NDST1: variants seen among roughly 807,000 people sequenced by gnomAD.
The protein encoded by NDST1 is bifunctional heparan sulfate N-deacetylase/N-sulfotransferase 1.
A neutral mutation model predicts 92.8 loss-of-function variants in NDST1; 35 were observed. The ratio of observed to expected loss-of-function variants is 0.38; its 90% CI spans 0.29 to 0.50. The LOEUF (loss-of-function observed/expected upper bound fraction) is 0.50. NDST1 is among the 20% of genes least tolerant of loss of function. The pLI, the probability that NDST1 is intolerant of heterozygous loss-of-function variation, is 0.94. For synonymous variants in NDST1, 493 were observed against 500.3 expected (o/e 0.99, Z 0.19); for missense variants, 822 against 1,182.7 (o/e 0.69, Z 4.47).
At chr5:150,498,119 A>C (rs1753073985) in exon 1 of NDST1, 1 of 152,702 alleles carries the variant, frequency 6.5e-6, no homozygotes, top group African/African-American at 2.4e-5. Flanking sequence ...AAATGGTGGC[A>C]GCGTGGTGCA....
Position 150,523,369 on chromosome 5 carries a change from G to A in NDST1, c.513+1602G>A, listed in dbSNP as rs562759886. Among the ~76,000 whole-genome samples the A allele has an allele frequency of 5.3e-5, 8 of 152,326 alleles. No homozygotes were observed. The East Asian group carries it at 7.7e-4, about 15-fold the overall frequency. Reference sequence around the variant, plus strand: ...ATTCAGAGTCCCAGGCCTGAAAAGCGTCAAGAGGCTGACGTTTATTGAGTG... The same window carrying A: ...ATTCAGAGTCCCAGGCCTGAAAAGCATCAAGAGGCTGACGTTTATTGAGTG... On this transcript the variant is annotated intron_variant, in intron 2 of 14. Transcript: ENST00000261797.
chr5:150,505,241 A>T (rs1753398437), upstream of NDST1, among the ~76,000 whole-genome samples: 3 of 152,162 alleles, frequency 2.0e-5, no homozygotes, highest in Non-Finnish European at 2.9e-5. Context: ...GGACTTCCCC[A>T]TCCCTGCCTA....
At chr5:150,536,206 C>T (rs1189243662) in intron 6 of NDST1, among the ~76,000 whole-genome samples, 1 of 152,148 alleles carries the variant, frequency 6.6e-6, no homozygotes, top group Non-Finnish European at 1.5e-5. Context: ...TTTTTCTTGG[C>T]TGGGCCTGAT....
chr5:150,525,452 T>C (rs1242073122), intron 2 of NDST1, among the ~76,000 whole-genome samples: 1 of 152,072 alleles, frequency 6.6e-6, no homozygotes, highest in African/African-American at 2.4e-5. Flanking sequence ...ACCGCTTTTG[T>C]CCCCACACAG....
intron 1 of NDST1, among the ~76,000 whole-genome samples, chr5:150,503,007 G>A (rs1249753429): frequency 6.6e-6 from 1 of 152,110 alleles, no homozygotes; most frequent in Non-Finnish European, 1.5e-5. Context: ...GCATGGGCAT[G>A]AATCCTTGCC....
At chr5:150,528,321 G>T in intron 3 of NDST1, 23 bp downstream of exon 3, 2 of 1,562,044 alleles carry the variant, frequency 1.3e-6, no homozygotes, top group South Asian at 2.4e-5. Context: ...GTGCTAGACC[G>T]GGCAAGGCAG....
Position 150,549,667 on chromosome 5 carries a change from T to G in NDST1, c.2317-11T>G, listed in dbSNP as rs746441177. 1.9e-6 allele frequency: 3 copies of G among 1,584,250 alleles called. No homozygotes were observed. In the South Asian group the frequency reaches 3.3e-5, roughly 18 times the overall value. On this transcript the variant is annotated splice_polypyrimidine_tract_variant and intron_variant, in intron 12 of 14. Coordinates refer to ENST00000261797, the MANE Select transcript of NDST1 (RefSeq NM_001543.5). ...TCAAAGCAGGTCCCGATCCCCTTTC[T>G]CCCTTTCCAGATTCTGGTCTTGGAT...
intron 2 of NDST1, among the ~76,000 whole-genome samples, chr5:150,526,270 GT>G (rs1754472928): frequency 6.6e-6 from 1 of 152,216 alleles, no homozygotes; most frequent in Non-Finnish European, 1.5e-5. Context: ...CCACACTGAA[GT>G]TTTATATTTA....
intron 2 of NDST1, among the ~76,000 whole-genome samples, chr5:150,524,949 T>C (rs956763246): frequency 1.4e-4 from 21 of 152,222 alleles, no homozygotes; most frequent in Admixed American, 3.3e-4. Flanking sequence ...TTGTTGTTTC[T>C]AACCCAGCCA....
rs770384721 is a variant in NDST1, at chr5:150,540,099, G to A, written c.1584G>A (p.Thr528=). 2.8e-5 allele frequency: 45 copies of A among 1,614,050 alleles called. No homozygotes were observed. Among genetic ancestry groups the A allele is most frequent in the Non-Finnish European group, 3.3e-5 (39 of 1,180,050 alleles). Residue 528 remains threonine (T), a synonymous_variant, in exon 8 of 15, where the codon ACG becomes ACA. Transcript: ENST00000261797. ...VLLNPISIFM[T]HLSNYGNDRL... is the part of the protein sequence containing the mutation. ...TGGAGCAGATCAGCATCTTCATGACGCACCTGTCCAACTATGGGAATGACC... is the reference window on the plus strand; with the variant it reads ...TGGAGCAGATCAGCATCTTCATGACACACCTGTCCAACTATGGGAATGACC...
intron 13 of NDST1, 77 bp downstream of exon 13, chr5:150,549,864 A>G (rs1755644939): frequency 2.3e-6 from 2 of 856,480 alleles, no homozygotes; most frequent in South Asian, 2.8e-5. Context: ...AGTCTTGAAT[A>G]ATTATGAGAG....
chr5:150,516,784 G>A (rs1370324562), intron 1 of NDST1, among the ~76,000 whole-genome samples: 1 of 152,110 alleles, frequency 6.6e-6, no homozygotes, highest in African/African-American at 2.4e-5. Context: ...TCTTGCCTCA[G>A]CCTCCCGAGT....
upstream of NDST1, among the ~76,000 whole-genome samples, chr5:150,503,309 G>C (rs1175836380): frequency 6.6e-6 from 1 of 152,140 alleles, no homozygotes; most frequent in East Asian, 1.9e-4. Context: ...AGACACGGTG[G>C]CACACACCTA....
At chr5:150,545,006 A>G (rs1340031939) in intron 10 of NDST1, among the ~76,000 whole-genome samples, 1 of 152,146 alleles carries the variant, frequency 6.6e-6, no homozygotes, top group Non-Finnish European at 1.5e-5. Context: ...GCGGGATCCT[A>G]GAGTTTAGGA....
intron 1 of NDST1, among the ~76,000 whole-genome samples, chr5:150,518,201 G>A (rs1754071388): frequency 6.6e-6 from 1 of 151,858 alleles, no homozygotes; most frequent in Non-Finnish European, 1.5e-5. Context: ...TTTTTCTTCT[G>A]GTCAGCTTAG....
intron 11 of NDST1, 51 bp downstream of exon 11, chr5:150,545,537 T>G: frequency 6.2e-7 from 1 of 1,600,002 alleles, no homozygotes; most frequent in South Asian, 1.1e-5. Context: ...GGGCTCCGTC[T>G]GACACTCAGT....
At chr5:150,546,247 C>T (rs3095901) in intron 11 of NDST1, among the ~76,000 whole-genome samples, 39,700 of 151,988 alleles carry the variant, frequency 0.26, 5,743 homozygotes, top group African/African-American at 0.38. Context: ...CTTCCCGCCT[C>T]GGCCTCTCAA....
intron 1 of NDST1, among the ~76,000 whole-genome samples, chr5:150,515,703 G>A (rs1482241736): frequency 6.6e-6 from 1 of 152,180 alleles, no homozygotes; most frequent in Non-Finnish European, 1.5e-5. Flanking sequence ...TGTCTGCAAG[G>A]CCCAGCAGGC....
chr5:150,556,205 G>T lies in NDST1; in HGVS notation c.*2873G>T, dbSNP rs1054785912. 2 of 152,264 alleles carry T rather than the reference G, an allele frequency of 1.3e-5. No homozygotes were observed. Among genetic ancestry groups the T allele is most frequent in the Non-Finnish European group, 2.9e-5 (2 of 68,086 alleles). 9.4% of individuals were successfully genotyped at this position (152,264 alleles called of 1,614,324 possible). A position where few individuals can be genotyped will look rare whatever the true frequency, so the allele number is the denominator to read the frequency against. ...TTCAGGTGGCTCCATCGTCTATTCT[G>T]TGGTCCCCTCCATGAGCCTTTGCCC... On this transcript the variant is annotated 3_prime_UTR_variant, in exon 15 of 15. Transcript: ENST00000261797.
Sources: allele counts gnomAD v4.1 joint callset (sites outside exome capture counted in the v4.1 genomes callset), GRCh38; gene constraint gnomAD v4.1.1; transcripts MANE v1.5; gene names NCBI Gene and HGNC (gene_info 2026-07-23, HGNC 2026-07-21).